Variants in RTL4 observed in about 807,000 individuals in gnomAD.
The protein encoded by RTL4 is retrotransposon Gag-like protein 4.
RTL4 carries 4 observed loss-of-function variants against 5.3 expected under a neutral mutation model. The observed-to-expected ratio is 0.75, with a 90% CI of 0.37 to 1.72. RTL4 has a LOEUF of 1.72. Ranked by LOEUF, RTL4 falls within the 40% of genes most tolerant of loss-of-function variation. RTL4 has a pLI of 0.04. For missense variants in RTL4, 260 were observed against 227.1 expected, an observed-to-expected ratio of 1.14 and a Z score of -0.93; for synonymous variants, 98 against 87.3, an observed-to-expected ratio of 1.12 and a Z score of -0.68.
At chrX:112,451,765 G>A (rs188773009), upstream of RTL4, among the ~76,000 whole-genome samples, 51 of 111,414 alleles carry the variant, frequency 4.6e-4, no homozygotes, top group African/African-American at 1.5e-3. Context: ...GGACAATGTG[G>A]GCTCTTTGTG....
At chrX:112,439,950 C>A in the RTL4 span, among the ~76,000 whole-genome samples, 1 of 110,532 alleles carries the variant, frequency 9.0e-6, no homozygotes, top group Non-Finnish European at 1.9e-5. Flanking sequence ...TTACCCAGCC[C>A]GAGGCATTCC....
the RTL4 span, among the ~76,000 whole-genome samples, chrX:112,125,125 C>T: frequency 1.9e-5 from 2 of 107,297 alleles, no homozygotes; most frequent in East Asian, 2.9e-4. Flanking sequence ...AGGCTGGTCT[C>T]GAACTCCTGA....
At chrX:112,245,443 T>C in the RTL4 span, among the ~76,000 whole-genome samples, 498 of 111,729 alleles carry the variant, frequency 4.5e-3, 6 homozygotes, top group African/African-American at 0.016. Flanking sequence ...ATTTCATTAG[T>C]TTGATCTTCA....
the RTL4 span, among the ~76,000 whole-genome samples, chrX:112,410,256 A>G: frequency 8.9e-6 from 1 of 111,994 alleles, no homozygotes; most frequent in Non-Finnish European, 1.9e-5. Flanking sequence ...ATTAAACTAG[A>G]GAGAGATAGA....
the RTL4 span, among the ~76,000 whole-genome samples, chrX:112,134,456 T>G: frequency 8.9e-6 from 1 of 112,456 alleles, no homozygotes; most frequent in African/African-American, 3.2e-5. Flanking sequence ...TAGATCATTC[T>G]TACACTCACT....
chrX:112,337,181 C>T, the RTL4 span, among the ~76,000 whole-genome samples: 2 of 111,901 alleles, frequency 1.8e-5, no homozygotes, highest in Non-Finnish European at 3.8e-5. Flanking sequence ...AAACATATTC[C>T]CAGTCTGCCT....
chrX:112,112,235 G>T, the RTL4 span, among the ~76,000 whole-genome samples: 1 of 112,220 alleles, frequency 8.9e-6, no homozygotes, highest in Admixed American at 9.4e-5. Context: ...TCTCTGTGAT[G>T]TATAAAGAGA....
At chrX:112,220,891 A>G in the RTL4 span, among the ~76,000 whole-genome samples, 1 of 111,871 alleles carries the variant, frequency 8.9e-6, no homozygotes, top group African/African-American at 3.2e-5. Context: ...GGAAGTTCCA[A>G]ACTTTCCCCC....
At chrX:112,447,330 T>C in the RTL4 span, among the ~76,000 whole-genome samples, 1 of 111,864 alleles carries the variant, frequency 8.9e-6, no homozygotes. Flanking sequence ...TGCCAGGAAA[T>C]TTACATATAT....
the RTL4 span, among the ~76,000 whole-genome samples, chrX:112,318,670 T>C: frequency 8.9e-6 from 1 of 111,816 alleles, no homozygotes; most frequent in African/African-American, 3.2e-5. Flanking sequence ...TGGCTTCCCA[T>C]TTAGTAGCTT....
chrX:112,275,611 G>A, the RTL4 span, among the ~76,000 whole-genome samples: 1 of 111,523 alleles, frequency 9.0e-6, no homozygotes, highest in Non-Finnish European at 1.9e-5. Context: ...CGGATTGTTG[G>A]AAGGAAAAAT....
At chrX:112,228,549 C>G in the RTL4 span, among the ~76,000 whole-genome samples, 1 of 112,154 alleles carries the variant, frequency 8.9e-6, no homozygotes, top group Non-Finnish European at 1.9e-5. Flanking sequence ...GTGGTGAGAA[C>G]ACTTAAAATT....
At chrX:112,455,086 A>G (rs1248510935) in exon 1 of RTL4, 1 of 1,211,852 alleles carries the variant, frequency 8.3e-7, no homozygotes, top group Non-Finnish European at 1.1e-6. Context: ...TGACAAGAGT[A>G]CCTTACTGAA....
At chrX:112,230,132 G>T in the RTL4 span, among the ~76,000 whole-genome samples, 1 of 112,687 alleles carries the variant, frequency 8.9e-6, no homozygotes, top group East Asian at 2.8e-4. Context: ...CAGAGGTGGA[G>T]CCTACAGAGG....
chrX:112,344,023 GT>G, the RTL4 span, among the ~76,000 whole-genome samples: 1 of 112,020 alleles, frequency 8.9e-6, no homozygotes, highest in Non-Finnish European at 1.9e-5. Flanking sequence ...AAAAGAATAA[GT>G]TCTTTTAGGG....
At chrX:112,232,285 T>A in the RTL4 span, among the ~76,000 whole-genome samples, 2 of 111,789 alleles carry the variant, frequency 1.8e-5, no homozygotes, top group African/African-American at 6.5e-5. Flanking sequence ...GCAAGTTAGG[T>A]CTCCTCTTTG....
chrX:112,181,403 C>T, the RTL4 span, among the ~76,000 whole-genome samples: 14 of 111,956 alleles, frequency 1.3e-4, no homozygotes, highest in African/African-American at 3.6e-4. Context: ...CCCACCATCA[C>T]GGAGCCCAGC....
At chrX:112,108,809 G>A in the RTL4 span, among the ~76,000 whole-genome samples, 2 of 111,244 alleles carry the variant, frequency 1.8e-5, no homozygotes, top group Admixed American at 1.9e-4. Context: ...AGTGCAGACT[G>A]GAGATAAAGT....
At chrX:112,434,839 C>G in the RTL4 span, among the ~76,000 whole-genome samples, 28 of 111,449 alleles carry the variant, frequency 2.5e-4, no homozygotes, top group Middle Eastern at 4.6e-3. Flanking sequence ...AGTCTGTTCT[C>G]ACACTGCTGT....
Sources: allele counts gnomAD v4.1 joint callset (sites outside exome capture counted in the v4.1 genomes callset), GRCh38; gene constraint gnomAD v4.1.1; transcripts MANE v1.5; gene names NCBI Gene and HGNC (gene_info 2026-07-23, HGNC 2026-07-21).